ARFGEF2: variants seen among roughly 807,000 people sequenced by gnomAD.
The protein encoded by ARFGEF2 is ARF guanine nucleotide exchange factor 2, also known as brefeldin A-inhibited guanine nucleotide-exchange protein 2.
Under a neutral mutation model 219.9 loss-of-function variants are expected in ARFGEF2, and 74 were observed. That is an observed-to-expected ratio of 0.34 (90% confidence interval 0.28 to 0.41). ARFGEF2 has a LOEUF of 0.41. Among genes scored for constraint, ARFGEF2 ranks in the 10% least tolerant of loss-of-function variants. ARFGEF2 has a pLI of 1.00. For missense variants in ARFGEF2, 1,743 were observed against 2,218.3 expected, an observed-to-expected ratio of 0.79 and a Z score of 4.30; for synonymous variants, 733 against 799.2, an observed-to-expected ratio of 0.92 and a Z score of 1.40.
chr20:48,927,060 A>G (rs1042424660), intron 1 of ARFGEF2, among the ~76,000 whole-genome samples: 3 of 152,212 alleles, frequency 2.0e-5, no homozygotes, highest in Non-Finnish European at 2.9e-5. Context: ...GATGGTGAGC[A>G]TAGTCAGCTC....
intron 6 of ARFGEF2, among the ~76,000 whole-genome samples, chr20:48,955,770 TACC>T (rs1281228338): frequency 6.6e-5 from 10 of 152,124 alleles, no homozygotes; most frequent in Non-Finnish European, 1.2e-4. Context: ...AGTGTGCTGT[TACC>T]TTTAAAAAGA....
At chr20:48,984,950 A>G (rs1454220543) in intron 15 of ARFGEF2, 110 bp downstream of exon 15, 2 of 1,568,132 alleles carry the variant, frequency 1.3e-6, no homozygotes, top group Non-Finnish European at 1.7e-6. Flanking sequence ...TCTGTTGTCC[A>G]CCCCCGGGTT....
Position 49,013,740 on chromosome 20 carries a change from C to T in ARFGEF2, c.4049+46C>T, listed in dbSNP as rs144696030. 1,953 of 1,614,044 alleles carry T rather than the reference C, an allele frequency of 1.2e-3. 13 individuals carry two copies. The highest frequency in any genetic ancestry group is 9.2e-4 in the Non-Finnish European group (1,082 of 1,179,976). On this transcript the variant is annotated intron_variant, in intron 29 of 38. Coordinates refer to ENST00000371917, the MANE Select transcript of ARFGEF2 (RefSeq NM_006420.3). ...TGGCCCCTTACATCACTGAAATGAACCTCAGTCACTTGCTCACCTGACCCC... is the reference window on the plus strand; with the variant it reads ...TGGCCCCTTACATCACTGAAATGAATCTCAGTCACTTGCTCACCTGACCCC...
At position 48,935,942 on chromosome 20, in the gene ARFGEF2, G is replaced by GC. The variant is rs1181349384; in HGVS notation, c.122-5257_122-5256insC. Among the ~76,000 whole-genome samples, 330 of 129,672 alleles carry GC rather than the reference G, an allele frequency of 2.5e-3. 13 individuals carry two copies. Among genetic ancestry groups the GC allele is most frequent in the African/African-American group, 9.8e-3 (311 of 31,732 alleles). 85.1% of individuals were successfully genotyped at this position (129,672 alleles called of 152,430 possible). A position where few individuals can be genotyped will look rare whatever the true frequency, so the allele number is the denominator to read the frequency against. On this transcript the variant is annotated intron_variant, in intron 1 of 38. Transcript: ENST00000371917. Reference sequence around the variant, plus strand: ...TCCCGCATGGGGCGGCTGGCCGGGGGGGGGGGCTGACCCCCCTACCTCCCT... The same window carrying GC: ...TCCCGCATGGGGCGGCTGGCCGGGGGCGGGGGGCTGACCCCCCTACCTCCCT...
intron 27 of ARFGEF2, 87 bp from the exon 28 acceptor site, chr20:49,011,837 G>A: frequency 3.1e-6 from 4 of 1,293,556 alleles, no homozygotes; most frequent in Non-Finnish European, 4.5e-6. Context: ...ATGTATGTGT[G>A]TGTGTGTGTG....
intron 26 of ARFGEF2, among the ~76,000 whole-genome samples, chr20:49,006,374 G>T (rs181741106): frequency 2.0e-5 from 3 of 152,108 alleles, no homozygotes; most frequent in Admixed American, 6.6e-5. Context: ...GGTGTGATGG[G>T]CATACAGGAG....
chr20:49,000,550 T>C (rs2123487979), intron 25 of ARFGEF2, among the ~76,000 whole-genome samples: 1 of 152,352 alleles, frequency 6.6e-6, no homozygotes, highest in Middle Eastern at 3.4e-3. Flanking sequence ...TTACCCACTA[T>C]TCTGAGTAAA....
At chr20:48,935,938 G>T (rs1195311621) in intron 1 of ARFGEF2, among the ~76,000 whole-genome samples, 1 of 99,612 alleles carries the variant, frequency 1.0e-5, no homozygotes, top group Non-Finnish European at 1.9e-5. Flanking sequence ...GCGGCTGGCC[G>T]GGGGGGGGGG....
intron 3 of ARFGEF2, among the ~76,000 whole-genome samples, chr20:48,944,292 G>T (rs544359190): frequency 7.6e-4 from 115 of 152,270 alleles, no homozygotes; most frequent in African/African-American, 2.7e-3. Context: ...GTTTTCTTTT[G>T]AAGGGAGTGC....
At chr20:48,928,793 C>T (rs552953083) in intron 1 of ARFGEF2, among the ~76,000 whole-genome samples, 47 of 152,366 alleles carry the variant, frequency 3.1e-4, no homozygotes, top group Non-Finnish European at 5.4e-4. Flanking sequence ...TGCGCCCAGC[C>T]GGTGTTGCAG....
intron 38 of ARFGEF2, 40 bp downstream of exon 38, chr20:49,032,206 T>C: frequency 6.7e-7 from 1 of 1,482,594 alleles, no homozygotes; most frequent in South Asian, 1.1e-5. Context: ...CACTAGGACA[T>C]AAAGTTTGGG....
chr20:48,950,006 C>A (rs2091055476), intron 3 of ARFGEF2, among the ~76,000 whole-genome samples: 1 of 152,148 alleles, frequency 6.6e-6, no homozygotes, highest in South Asian at 2.1e-4. Context: ...TTCAGTAGGT[C>A]TGGGTCGGAG....
chr20:48,968,183 C>T (rs949494837), intron 8 of ARFGEF2, among the ~76,000 whole-genome samples: 7 of 151,750 alleles, frequency 4.6e-5, no homozygotes, highest in East Asian at 1.9e-4. Context: ...TTAGTAGAGA[C>T]GGGGTTTCAC....
chr20:48,998,652 G>A (rs1351967699), intron 25 of ARFGEF2, 147 bp downstream of exon 25: 1 of 761,486 alleles, frequency 1.3e-6, no homozygotes, highest in Non-Finnish European at 2.1e-6. Context: ...AGCTTGATAG[G>A]AGTAATATCA....
intron 26 of ARFGEF2, among the ~76,000 whole-genome samples, chr20:49,008,678 C>A (rs79578656): frequency 1.3e-5 from 2 of 151,112 alleles, no homozygotes; most frequent in East Asian, 3.9e-4. Flanking sequence ...GTGTATCTCT[C>A]CATATGAAAT....
intron 27 of ARFGEF2, among the ~76,000 whole-genome samples, chr20:49,010,879 G>A (rs1020687865): frequency 1.3e-5 from 2 of 152,194 alleles, no homozygotes; most frequent in Non-Finnish European, 2.9e-5. Context: ...CACCCAAGGC[G>A]CACGTTCCCA....
rs367774532 is a variant in ARFGEF2, at chr20:48,958,478, C to T, written c.838+4688C>T. Reference sequence around the variant, plus strand: ...TTGAGACGGAGTCTCGCTCTGTCGCCCAGGCTGGAGTGCAGTGGCACAATC... The same window carrying T: ...TTGAGACGGAGTCTCGCTCTGTCGCTCAGGCTGGAGTGCAGTGGCACAATC... On this transcript the variant is annotated intron_variant, in intron 6 of 38. Coordinates refer to ENST00000371917, the MANE Select transcript of ARFGEF2 (RefSeq NM_006420.3). Among the ~76,000 whole-genome samples, 13 of 151,908 alleles carry T rather than the reference C, an allele frequency of 8.6e-5. 1 individual carries two copies. In the East Asian group the frequency reaches 1.9e-3, roughly 23 times the overall value.
chr20:48,994,549 C>T lies in ARFGEF2; in HGVS notation c.3072C>T (p.Ser1024=). ...GATCTGGGCGTGAAAGAGAAGGGAG[C>T]CTGAAGGGCCACACATTGGCAGGAG... is the stretch of plus-strand genomic sequence containing the variant. ...LSGSGREREG[S]LKGHTLAGEE... is the part of the protein sequence containing the mutation. Residue 1024 remains serine, a synonymous_variant, in exon 22 of 39, where the codon AGC becomes AGT. Transcript: ENST00000371917. 6.2e-7 allele frequency: 1 copy of T among 1,614,054 alleles called. No individual in the cohort carries two copies. The highest frequency in any genetic ancestry group is 1.1e-5 in the South Asian group (1 of 91,082).
chr20:49,033,571 G>A lies in ARFGEF2; in HGVS notation c.*372G>A, dbSNP rs989039595. ...GAAAATACTGAACATAGCTGTATAG[G>A]TTTGTGATTATTAGAGAATATGTTA... On this transcript the variant is annotated 3_prime_UTR_variant, in exon 39 of 39. Coordinates refer to ENST00000371917, the MANE Select transcript of ARFGEF2 (RefSeq NM_006420.3). 4 of 203,776 alleles carry A rather than the reference G, an allele frequency of 2.0e-5. No individual in the cohort carries two copies. The highest frequency in any genetic ancestry group is 4.1e-5 in the Non-Finnish European group (4 of 97,940). 12.6% of individuals were successfully genotyped at this position (203,776 alleles called of 1,614,324 possible). A position where few individuals can be genotyped will look rare whatever the true frequency, so the allele number is the denominator to read the frequency against.
Sources: gnomAD v4.1 joint callset for allele counts (sites outside exome capture counted in the v4.1 genomes callset) on GRCh38, gnomAD v4.1.1 for gene constraint, MANE v1.5 for transcripts, NCBI Gene and HGNC (gene_info 2026-07-23, HGNC 2026-07-21) for gene names.